Variants in SORD observed in about 807,000 individuals in gnomAD.
SORD encodes (R,R)-butanediol dehydrogenase.
A neutral mutation model predicts 35.6 loss-of-function variants in SORD; 18 were observed. The ratio of observed to expected loss-of-function variants is 0.51; its 90% CI spans 0.35 to 0.75. The LOEUF is 0.75. SORD is among the 30% of genes least tolerant of loss of function. The pLI is 0.01. For synonymous variants in SORD, 106 were observed against 152.9 expected (o/e 0.69, Z 2.26); for missense variants, 250 against 390.2 (o/e 0.64, Z 3.03).
chr15:45,038,130 T>TCCTC (rs1409463911), intron 1 of SORD, among the ~76,000 whole-genome samples: 1 of 13,048 alleles, frequency 7.7e-5, no homozygotes, highest in Non-Finnish European at 1.6e-4. Flanking sequence ...CATCCTCCCT[T>TCCTC]CCTTCCTTCC....
chr15:45,049,204 TA>T (rs1893090487), intron 3 of SORD, among the ~76,000 whole-genome samples: 1 of 152,218 alleles, frequency 6.6e-6, no homozygotes, highest in Non-Finnish European at 1.5e-5. Context: ...GGACCTGCCC[TA>T]ACTGTGTGCC....
intron 3 of SORD, among the ~76,000 whole-genome samples, chr15:45,045,987 C>G (rs949264371): frequency 1.3e-5 from 2 of 151,770 alleles, no homozygotes; most frequent in African/African-American, 4.8e-5. Flanking sequence ...GGTGACAAAG[C>G]AAGACTCTAT....
chr15:45,029,650 G>A (rs1278830662), intron 1 of SORD, among the ~76,000 whole-genome samples: 1 of 152,298 alleles, frequency 6.6e-6, no homozygotes, highest in East Asian at 1.9e-4. Context: ...GGGGCAAAGG[G>A]CCAGTTTGAC....
intron 1 of SORD, among the ~76,000 whole-genome samples, chr15:45,038,731 G>A (rs1164266632): frequency 3.9e-5 from 6 of 152,216 alleles, no homozygotes; most frequent in Admixed American, 3.9e-4. Context: ...ACTAAGCACA[G>A]TGATAGTACC....
intron 3 of SORD, chr15:45,058,508 T>C (rs1484559074): frequency 6.6e-6 from 1 of 151,602 alleles, no homozygotes; most frequent in Non-Finnish European, 1.5e-5. Flanking sequence ...GATAAGAAAC[T>C]GCAGAAAGTA....
chr15:45,028,617 A>T (rs896644710), intron 1 of SORD, among the ~76,000 whole-genome samples: 1 of 152,248 alleles, frequency 6.6e-6, no homozygotes. Context: ...TAATTTCAGA[A>T]TGATGGGTTA....
At chr15:45,026,705 T>C (rs562452317) in intron 1 of SORD, among the ~76,000 whole-genome samples, 1 of 152,382 alleles carries the variant, frequency 6.6e-6, no homozygotes, top group Admixed American at 6.5e-5. Context: ...TACATCATTA[T>C]TTGCTTTCCA....
chr15:45,038,374 C>T (rs933589015), intron 1 of SORD, among the ~76,000 whole-genome samples: 3 of 152,098 alleles, frequency 2.0e-5, no homozygotes, highest in South Asian at 2.1e-4. Context: ...AGGGTTTTTC[C>T]GAGTATTAAA....
Position 45,064,075 on chromosome 15 carries a change from G to A in SORD, c.426-1196G>A, listed in dbSNP as rs889675314. The stretch of plus-strand genomic sequence containing the variant: ...AAAGGATCATGGGGATGAGCACATG[G>A]TTTGGCTGTCACATTTATTTCTTTT... On this transcript the variant is annotated intron_variant, in intron 4 of 8. Transcript: ENST00000267814. Among the ~76,000 whole-genome samples the A allele has an allele frequency of 6.0e-5, 9 of 149,368 alleles. No homozygotes were observed. In the South Asian group the frequency reaches 8.9e-4, roughly 15 times the overall value.
intron 5 of SORD, 117 bp downstream of exon 5, chr15:45,065,506 G>A: frequency 6.7e-7 from 1 of 1,482,774 alleles, no homozygotes; most frequent in East Asian, 2.3e-5. Context: ...TCTGGGTAAG[G>A]GAGGATTGCA....
In SORD at chr15:45,062,954, C is replaced by T. The variant is rs543977643; in HGVS notation, c.425+1728C>T. On this transcript the variant is annotated intron_variant, in intron 4 of 8. Coordinates refer to ENST00000267814, the MANE Select transcript of SORD (RefSeq NM_003104.6). ...CATGAGGTCTGGCACATAGTAAATG[C>T]TCAGTAAATGGTACCAAGCTATGCC... Among the ~76,000 whole-genome samples the T allele has an allele frequency of 1.3e-5, 2 of 148,308 alleles. 1 individual carries two copies. Among genetic ancestry groups the T allele is most frequent in the African/African-American group, 5.2e-5 (2 of 38,234 alleles).
chr15:45,059,182 C>G (rs906640732), intron 3 of SORD, among the ~76,000 whole-genome samples: 2 of 152,032 alleles, frequency 1.3e-5, no homozygotes, highest in Non-Finnish European at 2.9e-5. Context: ...AGGACCTGCC[C>G]TAACTGTCTG....
intron 1 of SORD, among the ~76,000 whole-genome samples, chr15:45,025,306 T>C (rs1299284906): frequency 2.6e-5 from 4 of 152,164 alleles, no homozygotes; most frequent in Non-Finnish European, 5.9e-5. Flanking sequence ...TCAGAGTAGA[T>C]TAAAATGATG....
At chr15:45,043,942 T>G (rs1354244453) in intron 3 of SORD, among the ~76,000 whole-genome samples, 1 of 152,256 alleles carries the variant, frequency 6.6e-6, no homozygotes, top group Non-Finnish European at 1.5e-5. Context: ...TAAATCCAAG[T>G]TGTCTTGGCA....
At chr15:45,047,799 A>G (rs1011640775) in intron 3 of SORD, among the ~76,000 whole-genome samples, 1 of 151,988 alleles carries the variant, frequency 6.6e-6, no homozygotes, top group African/African-American at 2.4e-5. Context: ...CCTGGCTGCT[A>G]GAAGGGGAGA....
rs968825668 is a variant in SORD at position 45,074,422 on chromosome 15, A to T, written c.*892A>T. ...CCCCAGAAGATTAGCATCCCATACTAGACTCATACTCAACTCAACTAGGCT... is the reference window on the plus strand; with the variant it reads ...CCCCAGAAGATTAGCATCCCATACTTGACTCATACTCAACTCAACTAGGCT... On this transcript the variant is annotated 3_prime_UTR_variant, in exon 9 of 9. Coordinates refer to ENST00000267814, the MANE Select transcript of SORD (RefSeq NM_003104.6). 1 of 73,268 alleles carries T rather than the reference A, an allele frequency of 1.4e-5. No homozygotes were observed. Among genetic ancestry groups the T allele is most frequent in the Non-Finnish European group, 2.3e-5 (1 of 43,100 alleles). 4.5% of individuals were successfully genotyped at this position (73,268 alleles called of 1,614,324 possible).
At chr15:45,054,442 T>C (rs1893179846) in intron 3 of SORD, among the ~76,000 whole-genome samples, 1 of 152,250 alleles carries the variant, frequency 6.6e-6, no homozygotes, top group Admixed American at 6.5e-5. Context: ...ATAAATGTCT[T>C]CTTTTGAGAA....
chr15:45,055,107 T>A (rs992853772), intron 3 of SORD, among the ~76,000 whole-genome samples: 2 of 152,136 alleles, frequency 1.3e-5, no homozygotes, highest in Admixed American at 1.3e-4. Flanking sequence ...TCTTTTGGCT[T>A]AGGATTGACT....
rs565022108 is a variant in SORD at position 45,049,237 on chromosome 15, G to A, written c.265+5816G>A. On this transcript the variant is annotated intron_variant, in intron 3 of 8. Coordinates refer to ENST00000267814, the MANE Select transcript of SORD (RefSeq NM_003104.6). ...TGCCTAACTGGTTTTTTTCTTTCTC[G>A]TTCCTCATCTCCCACCTCAGGAGTG... 3.9e-5 allele frequency among the ~76,000 whole-genome samples: 6 copies of A among 152,068 alleles called. No individual in the cohort carries two copies. The South Asian group carries it at 8.3e-4, about 21-fold the overall frequency.
Sources: allele counts gnomAD v4.1 joint callset (sites outside exome capture counted in the v4.1 genomes callset), GRCh38; gene constraint gnomAD v4.1.1; transcripts MANE v1.5; gene names NCBI Gene and HGNC (gene_info 2026-07-23, HGNC 2026-07-21).